Variants in RBFOX1 observed in about 807,000 individuals in gnomAD.
RBFOX1 encodes RNA binding protein fox-1 homolog 1.
Under a neutral mutation model 57.7 loss-of-function variants are expected in RBFOX1, and 8 were observed. The ratio of observed to expected loss-of-function variants is 0.14; its 90% CI spans 0.08 to 0.25. The LOEUF (loss-of-function observed/expected upper bound fraction) is 0.25. Among genes scored for constraint, RBFOX1 ranks in the 10% least tolerant of loss-of-function variants. The pLI is 1.00. For missense variants in RBFOX1, 611 were observed against 548.5 expected (o/e 1.11, Z -1.14); for synonymous variants, 326 against 222.4 (o/e 1.47, Z -4.15).
intron 3 of RBFOX1, among the ~76,000 whole-genome samples, chr16:5,818,527 C>T (rs2055727573): frequency 6.6e-6 from 1 of 152,206 alleles, no homozygotes; most frequent in Admixed American, 6.5e-5. Flanking sequence ...TGAAATCCGT[C>T]TCGGAAGACA....
chr16:6,890,505 C>T (rs9933192), intron 3 of RBFOX1, among the ~76,000 whole-genome samples: 67,415 of 151,974 alleles, frequency 0.44, 15,267 homozygotes, highest in East Asian at 0.65. Context: ...GGCAACAGAG[C>T]GAGACTCCAT....
At chr16:7,227,110 C>T (rs1047816632) in intron 4 of RBFOX1, among the ~76,000 whole-genome samples, 10 of 152,206 alleles carry the variant, frequency 6.6e-5, no homozygotes, top group Non-Finnish European at 1.5e-4. Context: ...CCTGTTTGGT[C>T]CTGGAGATAT....
chr16:5,530,223 A>G (rs2044413065), intron 2 of RBFOX1, among the ~76,000 whole-genome samples: 1 of 152,214 alleles, frequency 6.6e-6, no homozygotes. Flanking sequence ...CAGCAAGACA[A>G]CATCCTGATG....
At chr16:6,153,829 C>G (rs947973661) in intron 1 of RBFOX1, among the ~76,000 whole-genome samples, 1 of 152,222 alleles carries the variant, frequency 6.6e-6, no homozygotes, top group Non-Finnish European at 1.5e-5. Flanking sequence ...AGCCACCATG[C>G]CCGGCCCATT....
At chr16:6,529,406 A>G (rs2096625458) in intron 2 of RBFOX1, among the ~76,000 whole-genome samples, 1 of 151,968 alleles carries the variant, frequency 6.6e-6, no homozygotes, top group Non-Finnish European at 1.5e-5. Flanking sequence ...TAAAAATACA[A>G]AAATCAGTTG....
intron 3 of RBFOX1, among the ~76,000 whole-genome samples, chr16:5,828,041 C>T (rs1476082953): frequency 2.0e-5 from 3 of 150,398 alleles, no homozygotes; most frequent in African/African-American, 7.3e-5. Context: ...ATCCATGTAT[C>T]CATCCATCTA....
intron 3 of RBFOX1, among the ~76,000 whole-genome samples, chr16:6,962,833 C>T (rs755523499): frequency 2.0e-5 from 3 of 151,806 alleles, no homozygotes; most frequent in African/African-American, 7.3e-5. Context: ...CCACTGCACT[C>T]CAGCCTGGGC....
chr16:6,074,840 T>C (rs2095876739), intron 1 of RBFOX1, among the ~76,000 whole-genome samples: 1 of 152,072 alleles, frequency 6.6e-6, no homozygotes, highest in South Asian at 2.1e-4. Flanking sequence ...GTGGCTTACG[T>C]CTGTAATTTC....
intron 2 of RBFOX1, among the ~76,000 whole-genome samples, chr16:6,556,527 C>G (rs781309488): frequency 2.0e-5 from 3 of 152,104 alleles, no homozygotes; most frequent in Non-Finnish European, 2.9e-5. Flanking sequence ...GGCCCACAGA[C>G]AATGAAAGAC....
At chr16:7,702,044 T>C (rs755464341) in intron 14 of RBFOX1, among the ~76,000 whole-genome samples, 1 of 152,168 alleles carries the variant, frequency 6.6e-6, no homozygotes, top group African/African-American at 2.4e-5. Flanking sequence ...CTGAGATAAC[T>C]TGTCCTTTCC....
chr16:6,251,785 A>G (rs1448351682), intron 1 of RBFOX1, among the ~76,000 whole-genome samples: 1 of 152,004 alleles, frequency 6.6e-6, no homozygotes, highest in Non-Finnish European at 1.5e-5. Flanking sequence ...AGCTGGAGTC[A>G]CTTCACTTCG....
intron 2 of RBFOX1, among the ~76,000 whole-genome samples, chr16:6,579,378 G>T (rs1480156990): frequency 6.6e-6 from 1 of 151,924 alleles, no homozygotes; most frequent in African/African-American, 2.4e-5. Flanking sequence ...GATATGGTTT[G>T]GCTTTGTGTC....
chr16:7,057,826 G>A (rs1380358668), intron 4 of RBFOX1, among the ~76,000 whole-genome samples: 1 of 152,048 alleles, frequency 6.6e-6, no homozygotes, highest in East Asian at 1.9e-4. Flanking sequence ...TAGCCAACAT[G>A]GTGAAACCCC....
At chr16:5,542,673 T>A (rs895841098) in intron 2 of RBFOX1, among the ~76,000 whole-genome samples, 1 of 152,190 alleles carries the variant, frequency 6.6e-6, no homozygotes, top group African/African-American at 2.4e-5. Flanking sequence ...TATTTAGAGA[T>A]GCATGGAGTT....
chr16:5,352,962 C>T (rs1022919889), intron 1 of RBFOX1, among the ~76,000 whole-genome samples: 1 of 152,142 alleles, frequency 6.6e-6, no homozygotes, highest in Non-Finnish European at 1.5e-5. Context: ...AATATCCTTA[C>T]TTGATACATA....
intron 4 of RBFOX1, among the ~76,000 whole-genome samples, chr16:7,298,100 C>A (rs2095938654): frequency 6.6e-6 from 1 of 151,912 alleles, no homozygotes; most frequent in African/African-American, 2.4e-5. Context: ...GAGATTTTTC[C>A]AAGGAAAGAC....
At chr16:6,227,510 T>C (rs12930742) in intron 1 of RBFOX1, among the ~76,000 whole-genome samples, 114 of 152,112 alleles carry the variant, frequency 7.5e-4, no homozygotes, top group Non-Finnish European at 1.5e-3. Context: ...GTGGAGCCAG[T>C]GATACAGAAG....
intron 4 of RBFOX1, among the ~76,000 whole-genome samples, chr16:7,338,806 G>A (rs2096840970): frequency 6.6e-6 from 1 of 152,188 alleles, no homozygotes; most frequent in Non-Finnish European, 1.5e-5. Flanking sequence ...ATTTGGGTAA[G>A]TTTCTGGTTG....
chr16:5,475,379 G>C (rs189960556), intron 2 of RBFOX1, among the ~76,000 whole-genome samples: 1 of 152,158 alleles, frequency 6.6e-6, no homozygotes, highest in Non-Finnish European at 1.5e-5. Flanking sequence ...TGTAACCCTT[G>C]TTTCTCTAAG....
Sources: gnomAD v4.1 joint callset for allele counts (sites outside exome capture counted in the v4.1 genomes callset) on GRCh38, gnomAD v4.1.1 for gene constraint, MANE v1.5 for transcripts, NCBI Gene and HGNC (gene_info 2026-07-23, HGNC 2026-07-21) for gene names.